The following GNAL variants were observed in gnomAD, a reference collection of about 807,000 sequenced individuals.
The protein encoded by GNAL is guanine nucleotide-binding protein G(olf) subunit alpha.
GNAL carries 18 observed loss-of-function variants against 55.1 expected under a neutral mutation model. The ratio of observed to expected loss-of-function variants is 0.33; its 90% CI spans 0.23 to 0.48. The LOEUF is 0.48. Among genes scored for constraint, GNAL ranks in the 20% least tolerant of loss-of-function variants. The probability of loss-of-function intolerance (pLI) is 0.99; values close to 1 mark genes in which losing one functional copy is unlikely to be tolerated. For missense variants in GNAL, 412 were observed against 614.1 expected (o/e 0.67, Z 3.48); for synonymous variants, 253 against 237.0 (o/e 1.07, Z -0.62).
At chr18:11,813,208 T>A (rs1160247889) in intron 4 of GNAL, among the ~76,000 whole-genome samples, 2 of 149,478 alleles carry the variant, frequency 1.3e-5, no homozygotes, top group Non-Finnish European at 3.0e-5. Flanking sequence ...TGAGCCGAGA[T>A]CGCTCTATTG....
At chr18:11,811,738 A>C (rs1178274567) in intron 4 of GNAL, among the ~76,000 whole-genome samples, 2 of 152,200 alleles carry the variant, frequency 1.3e-5, no homozygotes, top group African/African-American at 2.4e-5. Flanking sequence ...TTGTTCCCCC[A>C]AAAAAGGAAT....
chr18:11,725,377 A>G (rs542537781), intron 1 of GNAL, among the ~76,000 whole-genome samples: 2 of 152,218 alleles, frequency 1.3e-5, no homozygotes, highest in African/African-American at 4.8e-5. Flanking sequence ...AAGAGACCTC[A>G]GAAGAGACTA....
chr18:11,768,574 C>T (rs183615550), intron 4 of GNAL, among the ~76,000 whole-genome samples: 2 of 151,716 alleles, frequency 1.3e-5, no homozygotes, highest in Admixed American at 1.3e-4. Flanking sequence ...GCACTCCAGC[C>T]TGGGCAACAA....
chr18:11,818,076 A>G (rs2035004846), intron 4 of GNAL, among the ~76,000 whole-genome samples: 1 of 151,744 alleles, frequency 6.6e-6, no homozygotes, highest in African/African-American at 2.4e-5. Flanking sequence ...TAAAAAAAAA[A>G]AAAAAAATTA....
At chr18:11,831,676 C>G (rs1339432141) in intron 5 of GNAL, among the ~76,000 whole-genome samples, 1 of 152,238 alleles carries the variant, frequency 6.6e-6, no homozygotes, top group Non-Finnish European at 1.5e-5. Context: ...TCCACTCGTA[C>G]CTTGTCCACT....
chr18:11,710,073 T>C (rs1253988032), intron 1 of GNAL, among the ~76,000 whole-genome samples: 1 of 152,248 alleles, frequency 6.6e-6, no homozygotes, highest in African/African-American at 2.4e-5. Flanking sequence ...GTTATTTTTG[T>C]CCTTCACACT....
intron 1 of GNAL, among the ~76,000 whole-genome samples, chr18:11,711,716 T>C (rs1325683160): frequency 6.6e-6 from 1 of 152,258 alleles, no homozygotes; most frequent in Non-Finnish European, 1.5e-5. Context: ...TAGATCTCCA[T>C]TTCTTTAGGG....
At position 11,696,397 on chromosome 18, in the gene GNAL, C is replaced by T. The variant is rs370045378; in HGVS notation, c.376+6458C>T. On this transcript the variant is annotated intron_variant, in intron 1 of 11. Coordinates refer to ENST00000334049, the MANE Select transcript of GNAL (RefSeq NM_182978.4). ...GCGGGCACCTGTAGTCCCAGCTACT[C>T]GGGAGGCTGAGGCAGGAGAATGGCG... Among the ~76,000 whole-genome samples the T allele has an allele frequency of 2.8e-3, 429 of 151,498 alleles. 2 individuals carry two copies. Among genetic ancestry groups the T allele is most frequent in the African/African-American group, 0.01 (416 of 41,218 alleles).
intron 7 of GNAL, 82 bp downstream of exon 7, chr18:11,864,688 C>G: frequency 1.2e-6 from 1 of 812,120 alleles, no homozygotes; most frequent in South Asian, 1.3e-5. Flanking sequence ...AAGGGGGCTT[C>G]ATTCCTGAAT....
intron 5 of GNAL, among the ~76,000 whole-genome samples, chr18:11,841,497 T>A (rs193099264): frequency 6.6e-6 from 1 of 151,836 alleles, no homozygotes; most frequent in African/African-American, 2.4e-5. Flanking sequence ...AATACAAAAA[T>A]TAGTCGGGCA....
chr18:11,767,931 T>C (rs73399822), intron 4 of GNAL, among the ~76,000 whole-genome samples: 21,176 of 152,206 alleles, frequency 0.14, 3,215 homozygotes, highest in African/African-American at 0.38. Context: ...TAGTCTTGAG[T>C]ACTTAGTAAG....
At chr18:11,771,625 C>T (rs1194736944) in intron 4 of GNAL, among the ~76,000 whole-genome samples, 1 of 152,118 alleles carries the variant, frequency 6.6e-6, no homozygotes, top group African/African-American at 2.4e-5. Context: ...GAGGGGTGGC[C>T]TGGCCTTTGA....
chr18:11,785,113 T>C (rs867427397), intron 4 of GNAL, among the ~76,000 whole-genome samples: 1 of 152,310 alleles, frequency 6.6e-6, no homozygotes, highest in Middle Eastern at 3.4e-3. Flanking sequence ...CTCTCAGCCA[T>C]TGGAAATGTG....
intron 1 of GNAL, among the ~76,000 whole-genome samples, chr18:11,716,721 C>G (rs2031975624): frequency 6.6e-6 from 1 of 152,154 alleles, no homozygotes; most frequent in Non-Finnish European, 1.5e-5. Context: ...TACAGAGTGT[C>G]GATTGGTGCA....
chr18:11,871,473 ACTC>A (rs2036397348), intron 9 of GNAL, among the ~76,000 whole-genome samples: 1 of 151,810 alleles, frequency 6.6e-6, no homozygotes, highest in African/African-American at 2.4e-5. Flanking sequence ...CTGGTCTCGA[ACTC>A]CTGACCTCGT....
At chr18:11,715,275 C>A (rs1377367989) in intron 1 of GNAL, among the ~76,000 whole-genome samples, 2 of 146,140 alleles carry the variant, frequency 1.4e-5, no homozygotes, top group Non-Finnish European at 3.0e-5. Flanking sequence ...CTGGCTAACA[C>A]GGTGAAACCC....
chr18:11,816,818 GAAAA>G (rs11310574), intron 4 of GNAL, among the ~76,000 whole-genome samples: 4 of 138,082 alleles, frequency 2.9e-5, no homozygotes, highest in Admixed American at 7.1e-5. Flanking sequence ...TGTCTCGAAA[GAAAA>G]AAAAAAAAAA....
chr18:11,851,783 C>T, intron 5 of GNAL: 1 of 1,613,968 alleles, frequency 6.2e-7, no homozygotes, highest in Non-Finnish European at 8.5e-7. Context: ...GTGACCAAGT[C>T]GATGGCTGGT....
intron 5 of GNAL, among the ~76,000 whole-genome samples, chr18:11,858,876 G>T (rs900739958): frequency 2.0e-5 from 3 of 152,086 alleles, no homozygotes; most frequent in Non-Finnish European, 4.4e-5. Flanking sequence ...GGAGGTTGGC[G>T]ACAGGAGAAG....
Sources: gnomAD v4.1 joint callset for allele counts (sites outside exome capture counted in the v4.1 genomes callset) on GRCh38, gnomAD v4.1.1 for gene constraint, MANE v1.5 for transcripts, NCBI Gene and HGNC (gene_info 2026-07-23, HGNC 2026-07-21) for gene names.